The following KHDRBS2 variants were observed in gnomAD, a reference collection of about 807,000 sequenced individuals.
KHDRBS2 encodes KH domain-containing, RNA-binding, signal transduction-associated protein 2.
In KHDRBS2, 26 loss-of-function variants were observed where a neutral mutation model predicts 44.3. That is an observed-to-expected ratio of 0.59 (90% confidence interval 0.43 to 0.81). The LOEUF is 0.81. Ranked by LOEUF, KHDRBS2 falls within the 40% of genes least tolerant of loss-of-function variation. The pLI, the probability that KHDRBS2 is intolerant of heterozygous loss-of-function variation, is 0.00. For synonymous variants in KHDRBS2, 194 were observed against 151.1 expected, an observed-to-expected ratio of 1.28 and a Z score of -2.08; for missense variants, 476 against 433.1, an observed-to-expected ratio of 1.10 and a Z score of -0.88.
intron 6 of KHDRBS2, among the ~76,000 whole-genome samples, chr6:61,872,099 A>T (rs1327718934): frequency 6.6e-6 from 1 of 152,212 alleles, no homozygotes; most frequent in Admixed American, 6.5e-5. Context: ...TAATAAAAAA[A>T]AGAAAGAAAA....
At chr6:62,155,929 C>A (rs935802624) in intron 2 of KHDRBS2, among the ~76,000 whole-genome samples, 26 of 152,106 alleles carry the variant, frequency 1.7e-4, no homozygotes, top group Non-Finnish European at 2.8e-4. Context: ...AAAATCCCAT[C>A]ATAATTTCAG....
At chr6:62,152,029 GT>G (rs1323282442) in intron 2 of KHDRBS2, among the ~76,000 whole-genome samples, 8 of 152,036 alleles carry the variant, frequency 5.3e-5, no homozygotes, top group Non-Finnish European at 1.2e-4. Flanking sequence ...GGAAATAATA[GT>G]GCTTACTGGC....
At chr6:61,635,338 A>G in the KHDRBS2 span, among the ~76,000 whole-genome samples, 3 of 152,002 alleles carry the variant, frequency 2.0e-5, no homozygotes, top group African/African-American at 7.2e-5. Flanking sequence ...ATAAAAGGGA[A>G]GTGATGACTG....
At chr6:61,772,626 CTCTTT>C (rs1377750245) in intron 6 of KHDRBS2, among the ~76,000 whole-genome samples, 1 of 151,544 alleles carries the variant, frequency 6.6e-6, no homozygotes, top group East Asian at 1.9e-4. Context: ...GAAGTTGATT[CTCTTT>C]TATTTTATTT....
chr6:61,786,747 T>G (rs977144391), intron 6 of KHDRBS2, among the ~76,000 whole-genome samples: 2 of 151,888 alleles, frequency 1.3e-5, no homozygotes, highest in Non-Finnish European at 2.9e-5. Flanking sequence ...GTAAGTAAAC[T>G]TTTTAGTTGG....
chr6:62,237,040 T>C (rs1833813760), intron 1 of KHDRBS2, among the ~76,000 whole-genome samples: 2 of 152,334 alleles, frequency 1.3e-5, no homozygotes, highest in Non-Finnish European at 2.9e-5. Context: ...TTGGAGCCTA[T>C]GACTTGCATA....
rs115113408 is a variant in KHDRBS2 at position 62,122,733 on chromosome 6, G to A, written c.219+54452C>T. On this transcript the variant is annotated intron_variant, in intron 2 of 8. Transcript: ENST00000281156. ...CACCACCTGAAAGTGGACAGCTGCC[G>A]CAGCACTACAGCCCCCTTTTAGCCA... Among the ~76,000 whole-genome samples the A allele has an allele frequency of 5.1e-3, 643 of 125,710 alleles. 69 individuals carry two copies. The highest frequency in any genetic ancestry group is 0.02 in the African/African-American group (616 of 30,806). 82.5% of individuals were successfully genotyped at this position (125,710 alleles called of 152,430 possible).
chr6:61,798,301 A>T (rs962480558), intron 6 of KHDRBS2, among the ~76,000 whole-genome samples: 2 of 152,020 alleles, frequency 1.3e-5, no homozygotes, highest in Non-Finnish European at 2.9e-5. Context: ...GAATCAAAGA[A>T]CCTCCTGCAA....
At chr6:61,556,268 C>T in the KHDRBS2 span, among the ~76,000 whole-genome samples, 13 of 152,266 alleles carry the variant, frequency 8.5e-5, no homozygotes, top group South Asian at 2.3e-3. Context: ...GGTGGCCATG[C>T]GTGCATTCAC....
At chr6:61,602,660 G>T in the KHDRBS2 span, among the ~76,000 whole-genome samples, 1 of 152,058 alleles carries the variant, frequency 6.6e-6, no homozygotes, top group Non-Finnish European at 1.5e-5. Context: ...GGGTAAGTCC[G>T]TACCCTTCTT....
chr6:61,556,872 A>ATTTTTT, the KHDRBS2 span, among the ~76,000 whole-genome samples: 20 of 87,502 alleles, frequency 2.3e-4, no homozygotes, highest in Non-Finnish European at 3.3e-4. Flanking sequence ...TGAAATTGAG[A>ATTTTTT]TTTTTTTTTT....
At chr6:61,991,514 G>A (rs1776133165) in intron 3 of KHDRBS2, among the ~76,000 whole-genome samples, 1 of 152,150 alleles carries the variant, frequency 6.6e-6, no homozygotes, top group South Asian at 2.1e-4. Flanking sequence ...AAGAAATGAA[G>A]TGAGCTGGGC....
intron 2 of KHDRBS2, among the ~76,000 whole-genome samples, chr6:62,102,038 G>A (rs1802017561): frequency 6.6e-6 from 1 of 151,952 alleles, no homozygotes; most frequent in African/African-American, 2.4e-5. Context: ...TTATGTCATT[G>A]TTTCAGGTAA....
At chr6:61,830,798 T>C (rs1036751716) in intron 6 of KHDRBS2, among the ~76,000 whole-genome samples, 2 of 152,188 alleles carry the variant, frequency 1.3e-5, no homozygotes, top group Non-Finnish European at 2.9e-5. Flanking sequence ...GGTAATAATA[T>C]ACTGTAAAGC....
At chr6:61,619,086 T>C in the KHDRBS2 span, among the ~76,000 whole-genome samples, 1 of 152,134 alleles carries the variant, frequency 6.6e-6, no homozygotes, top group African/African-American at 2.4e-5. Context: ...TGAGCTAAGT[T>C]TGGTGAAATT....
intron 8 of KHDRBS2, among the ~76,000 whole-genome samples, chr6:61,689,861 A>G (rs1339925620): frequency 6.6e-6 from 1 of 151,992 alleles, no homozygotes; most frequent in Non-Finnish European, 1.5e-5. Context: ...TCATATATAC[A>G]TGTATATATA....
intron 4 of KHDRBS2, among the ~76,000 whole-genome samples, chr6:61,956,400 A>C (rs1414832669): frequency 6.6e-6 from 1 of 152,184 alleles, no homozygotes; most frequent in Non-Finnish European, 1.5e-5. Flanking sequence ...GACAAAATTG[A>C]AGACAAAACA....
At chr6:62,129,291 G>T (rs564993276) in intron 2 of KHDRBS2, among the ~76,000 whole-genome samples, 2 of 152,204 alleles carry the variant, frequency 1.3e-5, no homozygotes, top group South Asian at 4.1e-4. Context: ...ACAGGTAAAT[G>T]TCATTCATGA....
At chr6:61,828,596 A>G (rs534432) in intron 6 of KHDRBS2, among the ~76,000 whole-genome samples, 98,597 of 152,100 alleles carry the variant, frequency 0.65, 33,038 homozygotes, top group African/African-American at 0.83. Context: ...TTAGCTCAAA[A>G]GTTCTTTCCT....
Sources: gnomAD v4.1 joint callset for allele counts (sites outside exome capture counted in the v4.1 genomes callset) on GRCh38, gnomAD v4.1.1 for gene constraint, MANE v1.5 for transcripts, NCBI Gene and HGNC (gene_info 2026-07-23, HGNC 2026-07-21) for gene names.